Variants in ZSWIM6 observed in about 807,000 individuals in gnomAD.
The protein encoded by ZSWIM6 is zinc finger SWIM-type containing 6.
A neutral mutation model predicts 113.2 loss-of-function variants in ZSWIM6; 9 were observed. The observed-to-expected ratio is 0.08, with a 90% CI of 0.05 to 0.14. The LOEUF (loss-of-function observed/expected upper bound fraction) is 0.14. Ranked by LOEUF, ZSWIM6 falls within the 10% of genes least tolerant of loss-of-function variation. The pLI is 1.00. For synonymous variants in ZSWIM6, 611 were observed against 606.5 expected (o/e 1.01, Z -0.11); for missense variants, 1,162 against 1,552.2 (o/e 0.75, Z 4.22).
chr5:61,367,521 T>C (rs1309636752), intron 1 of ZSWIM6, among the ~76,000 whole-genome samples: 1 of 152,218 alleles, frequency 6.6e-6, no homozygotes, highest in Non-Finnish European at 1.5e-5. Context: ...AGTCCTGATT[T>C]ACAGGCATGA....
At chr5:61,383,290 C>T (rs1212824957) in intron 1 of ZSWIM6, among the ~76,000 whole-genome samples, 1 of 152,196 alleles carries the variant, frequency 6.6e-6, no homozygotes, top group Admixed American at 6.5e-5. Flanking sequence ...AGGCAGCTGA[C>T]AAGCAGCCCC....
chr5:61,542,137 TAC>T, intron 13 of ZSWIM6, among the ~76,000 whole-genome samples, 172 bp downstream of exon 13: 1 of 152,386 alleles, frequency 6.6e-6, no homozygotes, highest in East Asian at 1.9e-4. Context: ...CCTTCAGTTA[TAC>T]ATACTTGTAT....
At chr5:61,516,314 T>C (rs1748938310) in intron 4 of ZSWIM6, among the ~76,000 whole-genome samples, 1 of 149,896 alleles carries the variant, frequency 6.7e-6, no homozygotes, top group South Asian at 2.1e-4. Flanking sequence ...CTATTATCCT[T>C]TGTGTTTGTA....
chr5:61,529,927 C>T (rs1289617766), intron 7 of ZSWIM6, 125 bp from the exon 8 acceptor site: 14 of 808,494 alleles, frequency 1.7e-5, no homozygotes, highest in East Asian at 5.7e-5. Flanking sequence ...AAGAGAATTT[C>T]GAACAGAATT....
At chr5:61,396,812 A>G (rs1403921844) in intron 1 of ZSWIM6, among the ~76,000 whole-genome samples, 1 of 151,898 alleles carries the variant, frequency 6.6e-6, no homozygotes, top group Non-Finnish European at 1.5e-5. Context: ...TACAGAAAAC[A>G]CAGATTTTTT....
At chr5:61,409,146 T>C (rs558255432) in intron 1 of ZSWIM6, among the ~76,000 whole-genome samples, 1 of 145,202 alleles carries the variant, frequency 6.9e-6, no homozygotes, top group African/African-American at 2.6e-5. Flanking sequence ...GTATTAAGTA[T>C]AAGCACAAAA....
chr5:61,474,723 A>G (rs1255136093), intron 2 of ZSWIM6, among the ~76,000 whole-genome samples: 1 of 152,108 alleles, frequency 6.6e-6, no homozygotes, highest in African/African-American at 2.4e-5. Flanking sequence ...GAATACTGCT[A>G]TTTATTTGTC....
chr5:61,400,281 C>T (rs74852363), intron 1 of ZSWIM6, among the ~76,000 whole-genome samples: 15,274 of 152,182 alleles, frequency 0.1, 1,085 homozygotes, highest in Admixed American at 0.19. Context: ...AGTTCTCTTT[C>T]CAGTTATGCT....
At position 61,389,907 on chromosome 5, in the gene ZSWIM6, A is replaced by T. The variant is rs549935750; in HGVS notation, c.676+56959A>T. The stretch of plus-strand genomic sequence containing the variant: ...TGCATGTAGTTTTTGATCTGGGAAT[A>T]AAAAAAGCAGGTTCTCTGACCAATC... On this transcript the variant is annotated intron_variant, in intron 1 of 13. Coordinates refer to ENST00000252744, the MANE Select transcript of ZSWIM6 (RefSeq NM_020928.2). 2.0e-5 allele frequency among the ~76,000 whole-genome samples: 3 copies of T among 152,326 alleles called. No homozygotes were observed. In the South Asian group the frequency reaches 6.2e-4, roughly 32 times the overall value.
chr5:61,500,736 TATC>T (rs767417482), intron 4 of ZSWIM6, among the ~76,000 whole-genome samples: 3 of 152,170 alleles, frequency 2.0e-5, no homozygotes, highest in Non-Finnish European at 4.4e-5. Flanking sequence ...AACTTCAGCT[TATC>T]ATAAATATAG....
At chr5:61,421,759 C>T (rs1746358877) in intron 1 of ZSWIM6, among the ~76,000 whole-genome samples, 1 of 152,172 alleles carries the variant, frequency 6.6e-6, no homozygotes, top group African/African-American at 2.4e-5. Flanking sequence ...CATTAGTTTG[C>T]TAAGAATAGT....
intron 2 of ZSWIM6, among the ~76,000 whole-genome samples, chr5:61,483,561 G>A (rs923604606): frequency 7.2e-5 from 11 of 151,964 alleles, no homozygotes; most frequent in Non-Finnish European, 1.3e-4. Context: ...TTTAAAATCT[G>A]TCATATTTTA....
intron 1 of ZSWIM6, among the ~76,000 whole-genome samples, chr5:61,414,167 G>T (rs892943241): frequency 6.6e-6 from 1 of 152,136 alleles, no homozygotes; most frequent in Non-Finnish European, 1.5e-5. Context: ...GTGAGGGCAA[G>T]AGTGGAAGCA....
intron 2 of ZSWIM6, among the ~76,000 whole-genome samples, chr5:61,476,956 A>T (rs958626812): frequency 1.3e-5 from 2 of 152,180 alleles, no homozygotes; most frequent in African/African-American, 4.8e-5. Flanking sequence ...GGATAATTTT[A>T]ATCATACAAT....
At chr5:61,353,796 AT>A (rs10717675) in intron 1 of ZSWIM6, among the ~76,000 whole-genome samples, 151,683 of 152,274 alleles carry the variant, frequency 1, 75,547 homozygotes, top group East Asian at 1. Context: ...CATTTTCTCG[AT>A]TTTTAGTGGG....
Position 61,544,341 on chromosome 5 carries a change from G to A in ZSWIM6, c.*24G>A, listed in dbSNP as rs1253593271. On this transcript the variant is annotated 3_prime_UTR_variant, in exon 14 of 14. Coordinates refer to ENST00000252744, the MANE Select transcript of ZSWIM6 (RefSeq NM_020928.2). ...GATAGATCTTGTATGAATGGGGTGG[G>A]GGGTGGGGATGGGAGGGATGGTTTG... 1.8e-4 allele frequency: 25 copies of A among 135,994 alleles called. 4 individuals are homozygous for A. The highest frequency in any genetic ancestry group is 3.6e-4 in the Non-Finnish European group (24 of 65,910). The allele number at this position is 135,994 out of a possible 1,614,324, so 8.4% of individuals were successfully genotyped here.
At chr5:61,469,411 T>TG (rs1416290514) in intron 1 of ZSWIM6, among the ~76,000 whole-genome samples, 2 of 152,174 alleles carry the variant, frequency 1.3e-5, no homozygotes, top group Non-Finnish European at 2.9e-5. Context: ...GAATAATGAG[T>TG]GTTATGCTGT....
At chr5:61,423,298 C>T (rs1219050771) in intron 1 of ZSWIM6, among the ~76,000 whole-genome samples, 2 of 151,936 alleles carry the variant, frequency 1.3e-5, no homozygotes, top group East Asian at 1.9e-4. Context: ...ATCCCAGCTA[C>T]TCGGTAGGCT....
intron 1 of ZSWIM6, among the ~76,000 whole-genome samples, chr5:61,341,779 T>C (rs149790212): frequency 1.0e-3 from 158 of 152,066 alleles, no homozygotes; most frequent in African/African-American, 3.6e-3. Flanking sequence ...CACCGGTAAA[T>C]AGTATACACA....
Sources: gnomAD v4.1 joint callset for allele counts (sites outside exome capture counted in the v4.1 genomes callset) on GRCh38, gnomAD v4.1.1 for gene constraint, MANE v1.5 for transcripts, NCBI Gene and HGNC (gene_info 2026-07-23, HGNC 2026-07-21) for gene names.